ARHGAP36: variants seen among roughly 807,000 people sequenced by gnomAD.
ARHGAP36 encodes the protein Rho GTPase activating protein 36.
A neutral mutation model predicts 32.9 loss-of-function variants in ARHGAP36; 7 were observed. The observed-to-expected ratio is 0.21, with a 90% confidence interval of 0.12 to 0.40. ARHGAP36 has a LOEUF of 0.40. ARHGAP36 is among the 10% of genes least tolerant of loss of function. ARHGAP36 has a pLI of 1.00. For missense variants in ARHGAP36, 383 were observed against 442.2 expected (o/e 0.87, Z 1.20); for synonymous variants, 165 against 168.3 (o/e 0.98, Z 0.15).
At position 131,072,591 on chromosome X, in the gene ARHGAP36, C is replaced by G. The variant is rs2079738931; in HGVS notation, c.-142-8933C>G. ...TGTGTCCTTGGGTAAGTTTCTTAACCATCTGAACCTCCATTTCTGCTCTTC... is the reference window on the plus strand; with the variant it reads ...TGTGTCCTTGGGTAAGTTTCTTAACGATCTGAACCTCCATTTCTGCTCTTC... On this transcript the variant is annotated intron_variant, in intron 1 of 11. Transcript: ENST00000276211. Among the ~76,000 whole-genome samples the G allele has an allele frequency of 6.3e-5, 7 of 111,917 alleles. No individual in the cohort carries two copies. In the South Asian group the frequency reaches 2.6e-3, roughly 42 times the overall value.
chrX:131,071,780 A>G (rs2079734036), intron 1 of ARHGAP36, among the ~76,000 whole-genome samples: 1 of 111,147 alleles, frequency 9.0e-6, no homozygotes, highest in South Asian at 3.9e-4. Flanking sequence ...GGGCTCACCC[A>G]TAGTCTCTTA....
chrX:131,058,379 C>A lies in ARHGAP36; in HGVS notation c.-208C>A. 3 of 1,126,759 alleles carry A rather than the reference C, an allele frequency of 2.7e-6. No individual in the cohort carries two copies. Among genetic ancestry groups the A allele is most frequent in the Non-Finnish European group, 3.5e-6 (3 of 853,454 alleles). 92.9% of individuals were successfully genotyped at this position (1,126,759 alleles called of 1,213,427 possible). A position where few individuals can be genotyped will look rare whatever the true frequency, so the allele number is the denominator to read the frequency against. On this transcript the variant is annotated 5_prime_UTR_variant, in exon 1 of 12. Transcript: ENST00000276211. ...TAACTGCGAGCTGCCGGGCACTCAG[C>A]GCGGGTCATGGCGTGGATACTGGAC...
chrX:131,084,243 A>G lies in ARHGAP36; in HGVS notation c.584A>G (p.Glu195Gly). 1 of 1,208,461 alleles carries G rather than the reference A, an allele frequency of 8.3e-7. No homozygotes were observed. The highest frequency in any genetic ancestry group is 3.0e-5 in the East Asian group (1 of 33,843). ...RGAVSVDSLA[E>G]LEDGALLLQT... is the part of the protein sequence containing the mutation. Reference sequence around the variant, plus strand: ...GCAGTGTCTGTGGATAGTCTGGCTGAGCTGGAAGACGGAGCCCTGCTGCTG... The same window carrying G: ...GCAGTGTCTGTGGATAGTCTGGCTGGGCTGGAAGACGGAGCCCTGCTGCTG... The change falls in exon 5 of 12, where the codon GAG becomes GGG. Residue 195 changes from glutamate (E) to glycine (G), a missense_variant. By Grantham distance (98) the Glu-to-Gly change is moderately conservative (BLOSUM62 -2). Coordinates refer to ENST00000276211, the MANE Select transcript of ARHGAP36 (RefSeq NM_144967.4).
intron 1 of ARHGAP36, among the ~76,000 whole-genome samples, chrX:131,061,831 T>G (rs1358735632): frequency 8.9e-6 from 1 of 112,325 alleles, no homozygotes; most frequent in Admixed American, 9.4e-5. Flanking sequence ...AGCCCATACC[T>G]TACCCATCGT....
Position 131,083,815 on chromosome X carries a change from C to T in ARHGAP36, c.401C>T (p.Thr134Ile), listed in dbSNP as rs1258622844. ...ACCCGCCGCAAGCATCTTGAACTGA[C>T]AGCCACGATGCAGGTTGAAGAAGCC... ...EFTRRKHLEL[T>I]ATMQVEEATG... Residue 134 changes from threonine (T) to isoleucine (I), a missense_variant, in exon 4 of 12, where the codon ACA becomes ATA. Coordinates refer to ENST00000276211, the MANE Select transcript of ARHGAP36 (RefSeq NM_144967.4). The T allele has an allele frequency of 2.5e-6, 3 of 1,211,000 alleles. No homozygotes were observed. The highest frequency in any genetic ancestry group is 3.4e-6 in the Non-Finnish European group (3 of 895,469).
intron 1 of ARHGAP36, among the ~76,000 whole-genome samples, chrX:131,073,576 G>A (rs1477719361): frequency 8.8e-6 from 1 of 113,115 alleles, no homozygotes; most frequent in Non-Finnish European, 1.9e-5. Context: ...CAGCCGTGTG[G>A]CCCTGTGTCC....
chrX:131,084,090 G>A, intron 4 of ARHGAP36, 121 bp downstream of exon 4: 1 of 1,037,053 alleles, frequency 9.6e-7, no homozygotes, highest in Non-Finnish European at 1.3e-6. Context: ...ATATGTTGAA[G>A]TGGTGTCCTT....
chrX:131,086,727 C>T, intron 11 of ARHGAP36, 62 bp downstream of exon 11: 1 of 1,062,746 alleles, frequency 9.4e-7, no homozygotes, highest in South Asian at 2.0e-5. Context: ...AAGGTCAGGC[C>T]CTTTTTGAAG....
At chrX:131,077,392 T>C (rs1444222412) in intron 1 of ARHGAP36, among the ~76,000 whole-genome samples, 1 of 111,506 alleles carries the variant, frequency 9.0e-6, no homozygotes, top group Non-Finnish European at 1.9e-5. Flanking sequence ...ATTTAAACCA[T>C]GGCATCAGTG....
chrX:131,071,466 T>C (rs936321685), intron 1 of ARHGAP36, among the ~76,000 whole-genome samples: 6 of 111,236 alleles, frequency 5.4e-5, no homozygotes, highest in African/African-American at 1.3e-4. Context: ...GAGGGCCTCA[T>C]CATGGTAGCA....
Position 131,088,610 on chromosome X carries a change from A to G in ARHGAP36, c.1487-18A>G, listed in dbSNP as rs371257296. On this transcript the variant is annotated intron_variant, in intron 11 of 11. Coordinates refer to ENST00000276211, the MANE Select transcript of ARHGAP36 (RefSeq NM_144967.4). Reference sequence around the variant, plus strand: ...AAGTCTAGAAACATAAGGAGTTAACATTGTTACTATTTTTCAGGTTCCTCT... The same window carrying G: ...AAGTCTAGAAACATAAGGAGTTAACGTTGTTACTATTTTTCAGGTTCCTCT... The G allele has an allele frequency of 1.3e-3, 1,541 of 1,203,316 alleles. 1 individual carries two copies. The highest frequency in any genetic ancestry group is 1.5e-3 in the Non-Finnish European group (1,311 of 891,494).
chrX:131,085,139 C>G, intron 7 of ARHGAP36, 75 bp downstream of exon 7: 1 of 1,076,070 alleles, frequency 9.3e-7, no homozygotes, highest in South Asian at 2.6e-5. Context: ...AGGGACAGAG[C>G]TCAGGCTGGA....
chrX:131,070,773 T>G (rs777275787), intron 1 of ARHGAP36, among the ~76,000 whole-genome samples: 6 of 109,683 alleles, frequency 5.5e-5, no homozygotes, highest in African/African-American at 2.0e-4. Context: ...TCTTTGTGTA[T>G]GTATGTTACC....
chrX:131,089,445 A>C lies in ARHGAP36; in HGVS notation c.*660A>C, dbSNP rs2079855691. The C allele has an allele frequency of 8.8e-6, 1 of 113,016 alleles. No homozygotes were observed. The highest frequency in any genetic ancestry group is 3.6e-4 in the South Asian group (1 of 2,772). The allele number at this position is 113,016 out of a possible 1,213,427, so 9.3% of individuals were successfully genotyped here. ...ACGCCAACAGGGAAACCTCAAGTGTAGGTCTAATTAGTGTTTCTGGGATCC... is the reference window on the plus strand; with the variant it reads ...ACGCCAACAGGGAAACCTCAAGTGTCGGTCTAATTAGTGTTTCTGGGATCC... On this transcript the variant is annotated 3_prime_UTR_variant, in exon 12 of 12. Coordinates refer to ENST00000276211, the MANE Select transcript of ARHGAP36 (RefSeq NM_144967.4).
chrX:131,060,413 A>AAC (rs201938641), intron 1 of ARHGAP36, among the ~76,000 whole-genome samples: 2 of 110,736 alleles, frequency 1.8e-5, no homozygotes, highest in Non-Finnish European at 3.8e-5. Context: ...CAAAGCCACG[A>AAC]ACACACACAC....
In ARHGAP36 at chrX:131,089,519, C is replaced by A. The variant is rs2079856135; in HGVS notation, c.*734C>A. The A allele has an allele frequency of 8.8e-6, 1 of 113,106 alleles. No homozygotes were observed. Among genetic ancestry groups the A allele is most frequent in the Admixed American group, 9.3e-5 (1 of 10,800 alleles). The allele number at this position is 113,106 out of a possible 1,213,427, so 9.3% of individuals were successfully genotyped here. On this transcript the variant is annotated 3_prime_UTR_variant, in exon 12 of 12. Transcript: ENST00000276211. Reference sequence around the variant, plus strand: ...TTATTGCCTGGATCTGCTTTAAAGACAATTGGTGTTTACACCCTCTTGTCA... The same window carrying A: ...TTATTGCCTGGATCTGCTTTAAAGAAAATTGGTGTTTACACCCTCTTGTCA...
At chrX:131,066,542 G>C (rs1169008862) in intron 1 of ARHGAP36, among the ~76,000 whole-genome samples, 1 of 112,252 alleles carries the variant, frequency 8.9e-6, no homozygotes, top group Admixed American at 9.4e-5. Flanking sequence ...AGTATCCGCT[G>C]TCTGGGAGAC....
intron 1 of ARHGAP36, among the ~76,000 whole-genome samples, chrX:131,061,019 A>G (rs1182209392): frequency 9.0e-6 from 1 of 111,328 alleles, no homozygotes; most frequent in Admixed American, 9.5e-5. Context: ...GGAGTCAGAG[A>G]TGGGGTTGGG....
chrX:131,080,088 C>A (rs1477065827), intron 1 of ARHGAP36, among the ~76,000 whole-genome samples: 2 of 111,968 alleles, frequency 1.8e-5, no homozygotes, highest in Non-Finnish European at 3.8e-5. Flanking sequence ...AGCCCTATTG[C>A]CTTCAGGAAA....
Sources: allele counts gnomAD v4.1 joint callset (sites outside exome capture counted in the v4.1 genomes callset), GRCh38; gene constraint gnomAD v4.1.1; transcripts MANE v1.5; gene names NCBI Gene and HGNC (gene_info 2026-07-23, HGNC 2026-07-21).